SCLT1: variants seen among roughly 807,000 people sequenced by gnomAD.
SCLT1 encodes sodium channel and clathrin linker 1.
A neutral mutation model predicts 112.8 loss-of-function variants in SCLT1; 78 were observed. The ratio of observed to expected loss-of-function variants is 0.69; its 90% CI spans 0.58 to 0.83. The LOEUF (loss-of-function observed/expected upper bound fraction) is 0.83. Among genes scored for constraint, SCLT1 ranks in the 40% least tolerant of loss-of-function variants. The pLI, the probability that SCLT1 is intolerant of heterozygous loss-of-function variation, is 0.00. For synonymous variants in SCLT1, 257 were observed against 254.7 expected (o/e 1.01, Z -0.09); for missense variants, 747 against 770.4 (o/e 0.97, Z 0.36).
intron 9 of SCLT1, chr4:128,972,144 G>A (rs1740745099): frequency 6.6e-6 from 1 of 151,944 alleles, no homozygotes; most frequent in South Asian, 2.1e-4. Flanking sequence ...GATAATTTCA[G>A]GAGTATATCT....
intron 15 of SCLT1, 51 bp from the exon 16 acceptor site, chr4:128,946,203 A>C (rs750850353): frequency 2.4e-6 from 3 of 1,254,772 alleles, no homozygotes; most frequent in Non-Finnish European, 3.4e-6. Flanking sequence ...AACTGTCTTA[A>C]TAAACAGTTT....
chr4:129,038,906 A>G (rs1183746917), intron 5 of SCLT1, 135 bp downstream of exon 5: 14 of 658,774 alleles, frequency 2.1e-5, no homozygotes, highest in Non-Finnish European at 3.3e-5. Context: ...TAATCGAGCC[A>G]GGAGTCAAAT....
chr4:129,018,506 G>C (rs1053593136), intron 5 of SCLT1, among the ~76,000 whole-genome samples: 2 of 152,102 alleles, frequency 1.3e-5, no homozygotes, highest in Non-Finnish European at 2.9e-5. Context: ...ATTATAAAAA[G>C]TCAGAAAAAC....
At position 129,021,531 on chromosome 4, in the gene SCLT1, T is replaced by G. The variant is rs569461168; in HGVS notation, c.290+17510A>C. Among the ~76,000 whole-genome samples the G allele has an allele frequency of 1.3e-3, 192 of 152,312 alleles. 3 individuals are homozygous for G. The South Asian group carries it at 0.021, about 17-fold the overall frequency. On this transcript the variant is annotated intron_variant, in intron 5 of 20. Coordinates refer to ENST00000281142, the MANE Select transcript of SCLT1 (RefSeq NM_144643.4). ...AGGGGCATCCGCCATTACTGAGGCT[T>G]GAATAGGCAGTTTTCCCCTGACAGT...
At chr4:128,948,676 C>T in intron 14 of SCLT1, 106 bp from the exon 15 acceptor site, 1 of 815,854 alleles carries the variant, frequency 1.2e-6, no homozygotes, top group Non-Finnish European at 2.0e-6. Context: ...GTTATCAACA[C>T]AAGTTTAAGG....
At chr4:128,882,498 T>C (rs1732664170), downstream of SCLT1, among the ~76,000 whole-genome samples, 1 of 152,172 alleles carries the variant, frequency 6.6e-6, no homozygotes, top group Non-Finnish European at 1.5e-5. Flanking sequence ...AATGACATCT[T>C]TGTGAGTTCA....
chr4:128,921,779 A>G (rs953803198), intron 18 of SCLT1, among the ~76,000 whole-genome samples: 4 of 152,202 alleles, frequency 2.6e-5, no homozygotes, highest in African/African-American at 9.6e-5. Context: ...TTGCAACAAA[A>G]ATAAAAGTTG....
intron 2 of SCLT1, among the ~76,000 whole-genome samples, chr4:129,059,255 G>C (rs1749732775): frequency 6.6e-6 from 1 of 152,076 alleles, no homozygotes; most frequent in African/African-American, 2.4e-5. Context: ...TCTTTTAAGT[G>C]GGAAATGGAA....
chr4:129,027,372 C>T (rs1746209521), intron 5 of SCLT1, among the ~76,000 whole-genome samples: 1 of 152,192 alleles, frequency 6.6e-6, no homozygotes, highest in Non-Finnish European at 1.5e-5. Flanking sequence ...TGGGCTTCAT[C>T]CCTGGGATGC....
intron 2 of SCLT1, among the ~76,000 whole-genome samples, chr4:129,062,548 A>G (rs746409549): frequency 5.3e-5 from 8 of 152,110 alleles, no homozygotes; most frequent in Non-Finnish European, 1.2e-4. Flanking sequence ...CAGCTTCAAG[A>G]ACTCTTTAGC....
intron 5 of SCLT1, among the ~76,000 whole-genome samples, chr4:129,006,033 G>A (rs1478606050): frequency 3.9e-5 from 4 of 103,884 alleles, no homozygotes; most frequent in Non-Finnish European, 7.6e-5. Context: ...GGGGGAGGGG[G>A]GAGGGATAGC....
chr4:128,982,786 G>A (rs1741773617), intron 9 of SCLT1, among the ~76,000 whole-genome samples: 1 of 152,130 alleles, frequency 6.6e-6, no homozygotes, highest in Admixed American at 6.5e-5. Flanking sequence ...ACAGGCATGA[G>A]CTACCGCACC....
chr4:129,008,898 A>G (rs1272077925), intron 5 of SCLT1, among the ~76,000 whole-genome samples: 1 of 152,188 alleles, frequency 6.6e-6, no homozygotes, highest in Admixed American at 6.5e-5. Context: ...CCCACTTATA[A>G]GTGAGAACAT....
chr4:129,029,301 G>C (rs896652529), intron 5 of SCLT1, among the ~76,000 whole-genome samples: 1 of 152,004 alleles, frequency 6.6e-6, no homozygotes, highest in East Asian at 1.9e-4. Flanking sequence ...TGATAGACTG[G>C]ATTAAGAAAA....
Position 129,043,877 on chromosome 4 carries a change from AC to A in SCLT1, c.161+115del, listed in dbSNP as rs1480815856. On this transcript the variant is annotated intron_variant, in intron 3 of 20. Coordinates refer to ENST00000281142, the MANE Select transcript of SCLT1 (RefSeq NM_144643.4). Reference sequence around the variant, plus strand: ...CTTGCTTTTTCTTGTCAATTCAAGAACAAAGCATTTAAGTTTAATAACAGCA... The same window carrying A: ...CTTGCTTTTTCTTGTCAATTCAAGAAAAAGCATTTAAGTTTAATAACAGCA... 9 of 632,862 alleles carry A rather than the reference AC, an allele frequency of 1.4e-5. No homozygotes were observed. The Admixed American group carries it at 3.0e-4, about 21-fold the overall frequency. 39.2% of individuals were successfully genotyped at this position (632,862 alleles called of 1,614,324 possible). A position where few individuals can be genotyped will look rare whatever the true frequency, so the allele number is the denominator to read the frequency against.
intron 2 of SCLT1, among the ~76,000 whole-genome samples, chr4:129,057,534 G>A (rs2125724425): frequency 6.8e-6 from 1 of 146,228 alleles, no homozygotes; most frequent in South Asian, 2.2e-4. Flanking sequence ...ATTCAGCAGT[G>A]AAGCCATCAG....
At chr4:128,973,208 TTTATACA>T (rs2126037507) in intron 9 of SCLT1, among the ~76,000 whole-genome samples, 1 of 152,254 alleles carries the variant, frequency 6.6e-6, no homozygotes, top group African/African-American at 2.4e-5. Context: ...TATATAATAC[TTTATACA>T]TTATTAATTG....
At chr4:128,907,807 T>G (rs1734800576) in intron 18 of SCLT1, among the ~76,000 whole-genome samples, 1 of 152,184 alleles carries the variant, frequency 6.6e-6, no homozygotes, top group Non-Finnish European at 1.5e-5. Flanking sequence ...ATCCATTAGC[T>G]GAAATGGTAT....
chr4:129,056,291 T>A (rs1024455304), intron 2 of SCLT1, among the ~76,000 whole-genome samples: 6 of 152,204 alleles, frequency 3.9e-5, no homozygotes, highest in Non-Finnish European at 2.9e-5. Context: ...CAATCCCCAG[T>A]GAATGTTCTT....
Sources: gnomAD v4.1 joint callset for allele counts (sites outside exome capture counted in the v4.1 genomes callset) on GRCh38, gnomAD v4.1.1 for gene constraint, MANE v1.5 for transcripts, NCBI Gene and HGNC (gene_info 2026-07-23, HGNC 2026-07-21) for gene names.